The following SPTB variants were observed in gnomAD, a reference collection of about 807,000 sequenced individuals.
The protein encoded by SPTB is spectrin beta, erythrocytic, also known as spectrin beta chain, erythrocytic.
Under a neutral mutation model 256.2 loss-of-function variants are expected in SPTB, and 45 were observed. That is an observed-to-expected ratio of 0.18 (90% CI 0.14 to 0.23). The LOEUF is 0.23. Ranked by LOEUF, SPTB falls within the 10% of genes least tolerant of loss-of-function variation. The pLI is 1.00. For missense variants in SPTB, 2,715 were observed against 3,040.4 expected (o/e 0.89, Z 2.52); for synonymous variants, 1,231 against 1,243.1 (o/e 0.99, Z 0.21).
intron 1 of SPTB, among the ~76,000 whole-genome samples, chr14:64,842,279 T>C (rs577756443): frequency 5.1e-4 from 78 of 152,292 alleles, no homozygotes; most frequent in African/African-American, 1.7e-3. Flanking sequence ...TAGTACATGG[T>C]AGCAGTACTC....
Position 64,782,479 on chromosome 14 carries a change from C to T in SPTB, c.4077G>A (p.Arg1359=), listed in dbSNP as rs1344521721. The T allele has an allele frequency of 1.2e-6, 2 of 1,614,012 alleles. No individual in the cohort carries two copies. Among genetic ancestry groups the T allele is most frequent in the Admixed American group, 1.7e-5 (1 of 60,006 alleles). ...LVSQKLEALH[R]LWDELQATTK... is the part of the protein sequence containing the mutation. ...TGGTGGCCTGCAGCTCGTCCCAGAG[C>T]CGGTGCAGGGCTTCCAGCTTTTGGG... Residue 1359 remains arginine, a synonymous_variant, in exon 20 of 36, where the codon CGG becomes CGA. Coordinates refer to ENST00000644917, the MANE Select transcript of SPTB (RefSeq NM_001355436.2).
chr14:64,762,432 G>C (rs1223145248), intron 32 of SPTB, among the ~76,000 whole-genome samples: 2 of 152,210 alleles, frequency 1.3e-5, no homozygotes, highest in Non-Finnish European at 2.9e-5. Context: ...GCTGCTGCTG[G>C]GGGAGGTGCT....
chr14:64,761,550 C>T (rs928479766), intron 32 of SPTB, among the ~76,000 whole-genome samples: 4 of 152,174 alleles, frequency 2.6e-5, no homozygotes, highest in African/African-American at 9.7e-5. Flanking sequence ...GAGATGGCAA[C>T]TGGGGGGCCT....
chr14:64,874,223 C>T (rs1435024838), intron 1 of SPTB, among the ~76,000 whole-genome samples: 2 of 152,196 alleles, frequency 1.3e-5, no homozygotes, highest in Non-Finnish European at 1.5e-5. Context: ...CCCCCTCATC[C>T]TCCCTTCTTC....
Position 64,749,195 on chromosome 14 carries a change from G to GCGACTCGACTCATCT in SPTB, c.*96_*110dup. ...AGCGTGGGGCCCGGGGGCCCGGCCC[G>GCGACTCGACTCATCT]CGACTCGACTCATCTCGATTCGACC... is the stretch of plus-strand genomic sequence containing the variant. On this transcript the variant is annotated 3_prime_UTR_variant, in exon 36 of 36. Coordinates refer to ENST00000644917, the MANE Select transcript of SPTB (RefSeq NM_001355436.2). The surrounding 1 kb of genome is among the most constrained non-coding windows in gnomAD (Gnocchi z 4.7). 1.5e-6 allele frequency: 2 copies of GCGACTCGACTCATCT among 1,357,376 alleles called. No individual in the cohort carries two copies. Among genetic ancestry groups the GCGACTCGACTCATCT allele is most frequent in the South Asian group, 1.3e-5 (1 of 77,864 alleles). The allele number at this position is 1,357,376 out of a possible 1,614,324, so 84.1% of individuals were successfully genotyped here.
At position 64,795,319 on chromosome 14, in the gene SPTB, G is replaced by A. The variant is rs1459267594; in HGVS notation, c.1644+18C>T. The A allele has an allele frequency of 2.5e-6, 4 of 1,601,342 alleles. No individual in the cohort carries two copies. The highest frequency in any genetic ancestry group is 3.4e-6 in the Non-Finnish European group (4 of 1,179,740). ...GTGAGCACTGCAGGGCATGGCGGGG[G>A]CGGCCCCCAGGGCCCACCTTGATCT... On this transcript the variant is annotated intron_variant, in intron 12 of 35. Coordinates refer to ENST00000644917, the MANE Select transcript of SPTB (RefSeq NM_001355436.2). The surrounding 1 kb of genome is among the most constrained non-coding windows in gnomAD (Gnocchi z 6.5).
At chr14:64,762,928 C>T (rs1594748124) in intron 32 of SPTB, among the ~76,000 whole-genome samples, 2 of 152,212 alleles carry the variant, frequency 1.3e-5, no homozygotes, top group Admixed American at 6.5e-5. Context: ...AGCACCAATC[C>T]CTTTCAGGGA....
intron 1 of SPTB, among the ~76,000 whole-genome samples, chr14:64,874,463 C>T (rs961975940): frequency 6.6e-6 from 1 of 152,162 alleles, no homozygotes; most frequent in Non-Finnish European, 1.5e-5. Flanking sequence ...TTGAATACAC[C>T]TCAATTCTCT....
chr14:64,871,466 T>C (rs1416024394), intron 1 of SPTB, among the ~76,000 whole-genome samples: 1 of 152,214 alleles, frequency 6.6e-6, no homozygotes, highest in Non-Finnish European at 1.5e-5. Context: ...TGGTGGCTTT[T>C]GAGAAGGGGT....
Position 64,778,663 on chromosome 14 carries a change from T to A in SPTB, c.4563+494A>T, listed in dbSNP as rs554750425. Among the ~76,000 whole-genome samples the A allele has an allele frequency of 5.5e-4, 84 of 152,212 alleles. No individual in the cohort carries two copies. Among genetic ancestry groups the A allele is most frequent in the Admixed American group, 1.3e-3 (20 of 15,286 alleles). Reference sequence around the variant, plus strand: ...TCAGAGTCCAAAGTTAGTGGCTTCCTAATGGAATTTGAGCCCCACAAGTAT... The same window carrying A: ...TCAGAGTCCAAAGTTAGTGGCTTCCAAATGGAATTTGAGCCCCACAAGTAT... On this transcript the variant is annotated intron_variant, in intron 22 of 35. Transcript: ENST00000644917. The surrounding 1 kb of genome is among the most constrained non-coding windows in gnomAD (Gnocchi z 5.2).
At chr14:64,812,052 A>G (rs911866682) in intron 2 of SPTB, among the ~76,000 whole-genome samples, 1 of 152,194 alleles carries the variant, frequency 6.6e-6, no homozygotes, top group Non-Finnish European at 1.5e-5. Flanking sequence ...TCTTTTGATT[A>G]TTTTTTAATT....
At chr14:64,868,294 C>G (rs1882314755) in intron 1 of SPTB, among the ~76,000 whole-genome samples, 1 of 151,844 alleles carries the variant, frequency 6.6e-6, no homozygotes, top group Non-Finnish European at 1.5e-5. Context: ...GAAAAACAAG[C>G]AGCCAAGTAG....
chr14:64,793,073 T>C lies in SPTB; in HGVS notation c.2590A>G (p.Met864Val), dbSNP rs1363623560. The stretch of plus-strand genomic sequence containing the variant: ...GCCAGCCACTTCTCCTTCTCTCCCA[T>C]CCACAGCTCACAGGCGTCTGTCTCC... Reference protein sequence around the residue: ...FGETDACELWMGEKEKWLAEM... With the variant: ...FGETDACELWVGEKEKWLAEM... Residue 864 changes from methionine to valine, a missense_variant, in exon 14 of 36, where the codon ATG becomes GTG. By Grantham distance (21) the Met-to-Val change is conservative. Coordinates refer to ENST00000644917, the MANE Select transcript of SPTB (RefSeq NM_001355436.2). The surrounding 1 kb of genome is among the most constrained non-coding windows in gnomAD (Gnocchi z 7.0). 2.5e-6 allele frequency: 4 copies of C among 1,613,966 alleles called. No individual in the cohort carries two copies. Among genetic ancestry groups the C allele is most frequent in the Admixed American group, 1.7e-5 (1 of 60,008 alleles).
chr14:64,867,670 A>G (rs1055851199), intron 1 of SPTB, among the ~76,000 whole-genome samples: 17 of 152,110 alleles, frequency 1.1e-4, no homozygotes, highest in Admixed American at 6.5e-4. Context: ...CCTGGCCAAC[A>G]TGGCGAAACC....
At chr14:64,801,230 G>A in intron 7 of SPTB, 55 bp downstream of exon 7, 1 of 1,475,974 alleles carries the variant, frequency 6.8e-7, no homozygotes, top group African/African-American at 1.4e-5. Flanking sequence ...CTCTAGCACA[G>A]CGAGTGCATC....
rs1416312459 is a variant in SPTB at position 64,852,369 on chromosome 14, G to A, written c.-52+27423C>T. ...TCAGAGAGGGGTGAGAGATAAGGCT[G>A]GGGGCCAGACAAGGGGAACCTGAGC... is the stretch of plus-strand genomic sequence containing the variant. On this transcript the variant is annotated intron_variant, in intron 1 of 35. Transcript: ENST00000644917. The surrounding 1 kb of genome is among the most constrained non-coding windows in gnomAD (Gnocchi z 4.2). Among the ~76,000 whole-genome samples the A allele has an allele frequency of 6.6e-6, 1 of 152,160 alleles. No homozygotes were observed. Among genetic ancestry groups the A allele is most frequent in the Non-Finnish European group, 1.5e-5 (1 of 68,014 alleles).
At chr14:64,837,971 T>C (rs771061516) in intron 1 of SPTB, among the ~76,000 whole-genome samples, 48 of 152,218 alleles carry the variant, frequency 3.2e-4, no homozygotes, top group Non-Finnish European at 5.4e-4. Context: ...GACAAAGCCA[T>C]TTTGAAAGAA....
At chr14:64,872,770 G>A (rs910862294) in intron 1 of SPTB, among the ~76,000 whole-genome samples, 3 of 152,038 alleles carry the variant, frequency 2.0e-5, no homozygotes, top group Non-Finnish European at 4.4e-5. Flanking sequence ...ACTGAATCAC[G>A]GGGGTGGGTT....
rs780194762 is a variant in SPTB at position 64,749,729 on chromosome 14, C to T, written c.6777-33G>A. On this transcript the variant is annotated intron_variant, in intron 34 of 35. Transcript: ENST00000644917. The surrounding 1 kb of genome is among the most constrained non-coding windows in gnomAD (Gnocchi z 4.7). ...GACAAAGGGTTTCCTGTCATGGAGACACCTCTGGAGGGGGCGCTGGGCAGA... is the reference window on the plus strand; with the variant it reads ...GACAAAGGGTTTCCTGTCATGGAGATACCTCTGGAGGGGGCGCTGGGCAGA... 1.9e-6 allele frequency: 3 copies of T among 1,610,998 alleles called. No individual in the cohort carries two copies. Among genetic ancestry groups the T allele is most frequent in the Non-Finnish European group, 2.5e-6 (3 of 1,178,636 alleles).
Sources: allele counts gnomAD v4.1 joint callset (sites outside exome capture counted in the v4.1 genomes callset), GRCh38; gene constraint gnomAD v4.1.1; non-coding constraint Gnocchi (gnomAD v3.1); transcripts MANE v1.5; gene names NCBI Gene and HGNC (gene_info 2026-07-23, HGNC 2026-07-21).